The following XKR4 variants were observed in gnomAD, a reference collection of about 807,000 sequenced individuals.
The protein encoded by XKR4 is XK related 4.
XKR4 carries 12 observed loss-of-function variants against 53.9 expected under a neutral mutation model. That is an observed-to-expected ratio of 0.22 (90% CI 0.14 to 0.36). The LOEUF (loss-of-function observed/expected upper bound fraction) is 0.36, where lower values mean the gene tolerates loss of function less well. XKR4 is among the 10% of genes least tolerant of loss of function. The pLI is 1.00. For missense variants in XKR4, 799 were observed against 859.5 expected (o/e 0.93, Z 0.88); for synonymous variants, 354 against 362.4 (o/e 0.98, Z 0.26).
At chr8:55,442,693 C>G (rs1374758854) in intron 2 of XKR4, among the ~76,000 whole-genome samples, 1 of 152,118 alleles carries the variant, frequency 6.6e-6, no homozygotes, top group African/African-American at 2.4e-5. Context: ...ACCAGGAAAC[C>G]ATCATGCTAA....
intron 2 of XKR4, among the ~76,000 whole-genome samples, chr8:55,521,453 G>A (rs1035438853): frequency 6.6e-6 from 1 of 151,944 alleles, no homozygotes; most frequent in Non-Finnish European, 1.5e-5. Flanking sequence ...GTTTTCTGTT[G>A]CTTAGAAATT....
intron 1 of XKR4, among the ~76,000 whole-genome samples, chr8:55,242,725 AAGGCAGTT>A (rs1304899455): frequency 1.6e-4 from 24 of 152,074 alleles, no homozygotes; most frequent in African/African-American, 5.6e-4. Context: ...CTGGCTTTAG[AAGGCAGTT>A]GGCAGGGAGC....
chr8:55,436,972 AG>A (rs1805186521), intron 2 of XKR4, among the ~76,000 whole-genome samples: 1 of 152,196 alleles, frequency 6.6e-6, no homozygotes, highest in African/African-American at 2.4e-5. Context: ...TGCCCGATCG[AG>A]TTTTCTAAAC....
chr8:55,393,709 A>G (rs1478992188), intron 2 of XKR4, among the ~76,000 whole-genome samples: 2 of 152,216 alleles, frequency 1.3e-5, no homozygotes, highest in Non-Finnish European at 2.9e-5. Flanking sequence ...AGAAGTCATC[A>G]AGCTGGCTAC....
chr8:55,419,763 G>A (rs964130828), intron 2 of XKR4, among the ~76,000 whole-genome samples: 1 of 152,202 alleles, frequency 6.6e-6, no homozygotes, highest in Non-Finnish European at 1.5e-5. Flanking sequence ...CTTCAAGAAA[G>A]TTTTTGTTTG....
chr8:55,452,577 C>T (rs182820502), intron 2 of XKR4: 9 of 855,084 alleles, frequency 1.1e-5, no homozygotes, highest in African/African-American at 4.9e-5. Context: ...CCGGTTCTCC[C>T]GCTGCACCGC....
intron 1 of XKR4, among the ~76,000 whole-genome samples, chr8:55,253,018 A>G (rs1818381863): frequency 6.6e-6 from 1 of 152,130 alleles, no homozygotes; most frequent in Non-Finnish European, 1.5e-5. Flanking sequence ...CTTTCCAAAA[A>G]CCAGGGAGAG....
intron 1 of XKR4, among the ~76,000 whole-genome samples, chr8:55,214,636 T>C (rs1379893547): frequency 6.6e-6 from 1 of 152,196 alleles, no homozygotes; most frequent in Non-Finnish European, 1.5e-5. Context: ...CTCATTGAAA[T>C]TGAAGTTTTG....
rs778857887 is a variant in XKR4 at position 55,102,654 on chromosome 8, CCGGACGGCGGCGGCTGCT to C, written c.169_186del (p.Asp57_Ser62del). 7.7e-7 allele frequency: 1 copy of C among 1,293,692 alleles called. No homozygotes were observed. The allele number at this position is 1,293,692 out of a possible 1,614,324, so 80.1% of individuals were successfully genotyped here. A position where few individuals can be genotyped will look rare whatever the true frequency, so the allele number is the denominator to read the frequency against. ...GGAGGCGGCCGGGGGCGGCTGCTGCCCGGACGGCGGCGGCTGCTCGCGCTGCTGCTGCTGCTGCGCCGG... is the reference window on the plus strand; with the variant it reads ...GGAGGCGGCCGGGGGCGGCTGCTGCCCGCGCTGCTGCTGCTGCTGCGCCGG... On this transcript the variant is annotated inframe_deletion, in exon 1 of 3. Transcript: ENST00000327381. This position sits in a 1 kb window ranked among gnomAD's most constrained non-coding sequence, Gnocchi z 5.1.
At chr8:55,256,170 T>G (rs1177298249) in intron 1 of XKR4, among the ~76,000 whole-genome samples, 2 of 152,180 alleles carry the variant, frequency 1.3e-5, no homozygotes, top group African/African-American at 4.8e-5. Context: ...GGTGGAGACT[T>G]CATAGAGTCT....
intron 1 of XKR4, among the ~76,000 whole-genome samples, chr8:55,255,182 G>A (rs1177461101): frequency 6.6e-6 from 1 of 152,084 alleles, no homozygotes; most frequent in Non-Finnish European, 1.5e-5. Context: ...TCTCTTTTCT[G>A]GCTCTGGATG....
intron 1 of XKR4, among the ~76,000 whole-genome samples, chr8:55,274,463 C>A (rs1422352798): frequency 6.7e-6 from 1 of 150,228 alleles, no homozygotes; most frequent in East Asian, 2.0e-4. Context: ...GACTGAGTCT[C>A]GCTCTGTCAC....
At chr8:55,113,940 T>G (rs903525822) in intron 1 of XKR4, among the ~76,000 whole-genome samples, 1 of 152,248 alleles carries the variant, frequency 6.6e-6, no homozygotes, top group Admixed American at 6.5e-5. Flanking sequence ...TTCCATGGCA[T>G]CTATGTATTA....
chr8:55,329,374 T>C (rs1424026237), intron 1 of XKR4, among the ~76,000 whole-genome samples: 2 of 152,144 alleles, frequency 1.3e-5, no homozygotes, highest in Non-Finnish European at 2.9e-5. Context: ...ATGAGATTTT[T>C]TTTTTTGCAC....
At chr8:55,423,166 G>GCTTA (rs1464099017) in intron 2 of XKR4, among the ~76,000 whole-genome samples, 1 of 151,894 alleles carries the variant, frequency 6.6e-6, no homozygotes, top group Non-Finnish European at 1.5e-5. Flanking sequence ...CACGATTTTG[G>GCTTA]CTTACTGCAA....
At chr8:55,297,182 A>T (rs1475500725) in intron 1 of XKR4, among the ~76,000 whole-genome samples, 1 of 152,234 alleles carries the variant, frequency 6.6e-6, no homozygotes, top group Non-Finnish European at 1.5e-5. Context: ...ATGCTGATCA[A>T]CACAGCATCA....
chr8:55,481,277 G>C (rs560913108), intron 2 of XKR4, among the ~76,000 whole-genome samples: 96 of 152,186 alleles, frequency 6.3e-4, no homozygotes, highest in Non-Finnish European at 1.2e-3. Context: ...ACAAACCTGA[G>C]AAAAACAAGC....
intron 2 of XKR4, among the ~76,000 whole-genome samples, chr8:55,477,026 G>C (rs898525721): frequency 1.3e-5 from 2 of 152,118 alleles, no homozygotes; most frequent in African/African-American, 4.8e-5. Context: ...GTCCCTGTCT[G>C]ACAGCTTTGA....
chr8:55,341,728 G>A lies in XKR4; in HGVS notation c.807-15950G>A, dbSNP rs114876420. ...TAACCCCATAGGTGGACAACAGGCCGGCTTTCAAACTCTTGGCCTTGGGAA... is the reference window on the plus strand; with the variant it reads ...TAACCCCATAGGTGGACAACAGGCCAGCTTTCAAACTCTTGGCCTTGGGAA... On this transcript the variant is annotated intron_variant, in intron 1 of 2. Transcript: ENST00000327381. 5.6e-4 allele frequency among the ~76,000 whole-genome samples: 86 copies of A among 152,322 alleles called. 1 individual carries two copies. The highest frequency in any genetic ancestry group is 3.6e-3 in the Admixed American group (55 of 15,304).
Sources: allele counts gnomAD v4.1 joint callset (sites outside exome capture counted in the v4.1 genomes callset), GRCh38; gene constraint gnomAD v4.1.1; non-coding constraint Gnocchi (gnomAD v3.1); transcripts MANE v1.5; gene names NCBI Gene and HGNC (gene_info 2026-07-23, HGNC 2026-07-21).